Variants in GGNBP2 observed in about 807,000 individuals in gnomAD.
GGNBP2 encodes gametogenetin binding protein 2.
A neutral mutation model predicts 85.9 loss-of-function variants in GGNBP2; 10 were observed. That is an observed-to-expected ratio of 0.12 (90% CI 0.07 to 0.20). The LOEUF is 0.20. GGNBP2 is among the 10% of genes least tolerant of loss of function. The probability of loss-of-function intolerance (pLI) is 1.00; values close to 1 mark genes in which losing one functional copy is unlikely to be tolerated. For missense variants in GGNBP2, 595 were observed against 857.8 expected (o/e 0.69, Z 3.83); for synonymous variants, 287 against 285.7 (o/e 1.00, Z -0.05).
At chr17:36,555,107 T>G (rs879475508) in intron 3 of GGNBP2, among the ~76,000 whole-genome samples, 20 of 152,212 alleles carry the variant, frequency 1.3e-4, no homozygotes, top group Admixed American at 7.9e-4. Flanking sequence ...GGTGGTGTGT[T>G]AATATTTTAC....
chr17:36,586,087 G>T lies in GGNBP2; in HGVS notation c.1530G>T (p.Glu510Asp). The change falls in exon 12 of 14, where the codon GAG (glutamate) becomes GAT (aspartate). Residue 510 changes from glutamate to aspartate, a missense_variant. Glu to Asp is a conservative substitution (Grantham distance 45, BLOSUM62 2). Around this residue, in one of 9 missense-constraint regions of GGNBP2, gnomAD observed 35 missense variants for 49.6 expected, o/e 0.71. Coordinates refer to ENST00000613102, the MANE Select transcript of GGNBP2 (RefSeq NM_024835.5). ...GTGTTCATCACTGTGAAGACAAAGA[G>T]GATGATGGTGATAGTTGTGTTGAAT... ...DSCVHHCEDKEDDGDSCVECW... is the reference protein window; with the variant it reads ...DSCVHHCEDKDDDGDSCVECW... 6.2e-7 allele frequency: 1 copy of T among 1,614,006 alleles called. No individual in the cohort carries two copies.
At chr17:36,569,260 A>C (rs557678301) in intron 6 of GGNBP2, among the ~76,000 whole-genome samples, 1 of 152,250 alleles carries the variant, frequency 6.6e-6, no homozygotes, top group East Asian at 1.9e-4. Context: ...AAAAATAAAA[A>C]AATTAGCCAG....
intron 2 of GGNBP2, chr17:36,547,850 G>C (rs941867165): frequency 1.3e-5 from 2 of 152,208 alleles, no homozygotes; most frequent in Admixed American, 6.5e-5. Context: ...TTTGTGCTGG[G>C]ACTTCTGCAC....
In GGNBP2 at chr17:36,545,827, C is replaced by G; in HGVS notation, c.93+10C>G. On this transcript the variant is annotated intron_variant, in intron 2 of 13. Transcript: ENST00000613102. ...AGACGACACCCTGACGGTGAGCGGG[C>G]CGGGCCGGGCTGGGCCCGCCGCTCC... is the stretch of plus-strand genomic sequence containing the variant. The G allele has an allele frequency of 6.5e-7, 1 of 1,535,094 alleles. No homozygotes were observed. The highest frequency in any genetic ancestry group is 1.2e-5 in the South Asian group (1 of 82,782).
intron 4 of GGNBP2, 147 bp downstream of exon 4, chr17:36,557,483 C>T (rs1283401218): frequency 4.4e-6 from 3 of 685,134 alleles, no homozygotes; most frequent in Non-Finnish European, 7.3e-6. Flanking sequence ...TGTAAAGTTT[C>T]AACTCTCCAC....
intron 12 of GGNBP2, 113 bp downstream of exon 12, chr17:36,586,311 G>A (rs1316900212): frequency 7.4e-7 from 1 of 1,359,140 alleles, no homozygotes; most frequent in Non-Finnish European, 9.8e-7. Context: ...TTTTTAGAAT[G>A]AGTTCTTTAT....
Position 36,589,523 on chromosome 17 carries a change from T to A in GGNBP2, c.*112T>A, listed in dbSNP as rs2074737826. On this transcript the variant is annotated 3_prime_UTR_variant, in exon 14 of 14. Transcript: ENST00000613102. ...ATGGCAAAATTTTATCTTAAATCAA[T>A]GTGATTCTTTCTTGTTTTGGGAGAC... 1 of 741,260 alleles carries A rather than the reference T, an allele frequency of 1.3e-6. No homozygotes were observed. Among genetic ancestry groups the A allele is most frequent in the Admixed American group, 2.5e-5 (1 of 40,612 alleles). The allele number at this position is 741,260 out of a possible 1,614,324, so 45.9% of individuals were successfully genotyped here.
At position 36,589,427 on chromosome 17, in the gene GGNBP2, C is replaced by T. The variant is rs1422057044; in HGVS notation, c.*16C>T. On this transcript the variant is annotated 3_prime_UTR_variant, in exon 14 of 14. Transcript: ENST00000613102. The stretch of plus-strand genomic sequence containing the variant: ...AGCAAATTAAATAAATAAAATAGCT[C>T]TGTCTTTCAATGAAACACTCACGAT... 6.3e-7 allele frequency: 1 copy of T among 1,594,018 alleles called. No homozygotes were observed. Among genetic ancestry groups the T allele is most frequent in the African/African-American group, 1.3e-5 (1 of 74,470 alleles).
chr17:36,547,774 G>A (rs2074268816), intron 2 of GGNBP2: 1 of 152,212 alleles, frequency 6.6e-6, no homozygotes, highest in African/African-American at 2.4e-5. Context: ...TAACATTTAG[G>A]AAAAGGTGCA....
At chr17:36,587,346 G>C in intron 13 of GGNBP2, 101 bp downstream of exon 13, 60 of 1,214,676 alleles carry the variant, frequency 4.9e-5, no homozygotes, top group Non-Finnish European at 6.4e-5. Context: ...GTTGAAGGAA[G>C]CTTATGAGAA....
intron 6 of GGNBP2, chr17:36,574,496 A>C: frequency 3.3e-6 from 1 of 306,856 alleles, no homozygotes; most frequent in Admixed American, 4.1e-5. Context: ...GGTCCTCTGC[A>C]TGGAGACTCT....
intron 6 of GGNBP2, among the ~76,000 whole-genome samples, chr17:36,573,148 T>A (rs1477052230): frequency 1.3e-5 from 2 of 152,310 alleles, no homozygotes; most frequent in East Asian, 3.9e-4. Flanking sequence ...AGTCTCGCTC[T>A]GTTGCCCAGG....
chr17:36,559,090 A>G (rs1261665506), intron 4 of GGNBP2, among the ~76,000 whole-genome samples: 2 of 151,166 alleles, frequency 1.3e-5, no homozygotes, highest in Non-Finnish European at 2.9e-5. Context: ...ACCAGAGGTC[A>G]GGAGTCTGAA....
At chr17:36,577,644 G>C (rs1243917889) in intron 6 of GGNBP2, 1 of 320,486 alleles carries the variant, frequency 3.1e-6, no homozygotes, top group Non-Finnish European at 6.0e-6. Flanking sequence ...TTTTATTTCT[G>C]ACCTGCGCAA....
chr17:36,559,503 G>T (rs2074396933), intron 4 of GGNBP2, among the ~76,000 whole-genome samples: 1 of 152,028 alleles, frequency 6.6e-6, no homozygotes, highest in Non-Finnish European at 1.5e-5. Flanking sequence ...AAGAAGAAGA[G>T]GTCTGAAAAG....
chr17:36,561,522 TTA>T (rs1411864329), intron 5 of GGNBP2, among the ~76,000 whole-genome samples: 1 of 152,172 alleles, frequency 6.6e-6, no homozygotes, highest in African/African-American at 2.4e-5. Flanking sequence ...TATAAATTAT[TTA>T]TCTTTCTTGT....
At chr17:36,562,773 T>C (rs2074430189) in intron 5 of GGNBP2, among the ~76,000 whole-genome samples, 1 of 150,042 alleles carries the variant, frequency 6.7e-6, no homozygotes, top group South Asian at 2.1e-4. Flanking sequence ...GAGACCAGCC[T>C]GACCAACATG....
chr17:36,545,578 C>T (rs568264600), intron 1 of GGNBP2, 41 bp from the exon 2 acceptor site: 10 of 634,262 alleles, frequency 1.6e-5, no homozygotes, highest in African/African-American at 1.1e-4. Context: ...ATGTGCTGCG[C>T]AGCGGCGGGT....
At chr17:36,577,877 T>C (rs1187004939) in intron 6 of GGNBP2, 106 bp from the exon 7 acceptor site, 1 of 833,276 alleles carries the variant, frequency 1.2e-6, no homozygotes, top group Non-Finnish European at 2.0e-6. Context: ...AGGCTTATTT[T>C]GGATGCTGTA....
Sources: gnomAD v4.1 joint callset for allele counts (sites outside exome capture counted in the v4.1 genomes callset) on GRCh38, gnomAD v4.1.1 for gene constraint, gnomAD v4.1.1 regional missense constraint, MANE v1.5 for transcripts, NCBI Gene and HGNC (gene_info 2026-07-23, HGNC 2026-07-21) for gene names.